The following CEP192 variants were observed in gnomAD, a reference collection of about 807,000 sequenced individuals.
CEP192 encodes the protein centrosomal protein 192.
CEP192 carries 151 observed loss-of-function variants against 271.8 expected under a neutral mutation model. The ratio of observed to expected loss-of-function variants is 0.56; its 90% CI spans 0.49 to 0.64. The LOEUF is 0.64. Among genes scored for constraint, CEP192 ranks in the 30% least tolerant of loss-of-function variants. CEP192 has a pLI of 0.00. For missense variants in CEP192, 2,910 were observed against 3,020.5 expected, an observed-to-expected ratio of 0.96 and a Z score of 0.86; for synonymous variants, 995 against 1,076.5, an observed-to-expected ratio of 0.92 and a Z score of 1.48.
At chr18:13,042,475 T>A in intron 15 of CEP192, 141 bp downstream of exon 15, 1 of 845,606 alleles carries the variant, frequency 1.2e-6, no homozygotes. Flanking sequence ...AAGTGTCCTT[T>A]AAATTTTTCT....
At chr18:13,013,320 C>T (rs2034466881) in intron 5 of CEP192, among the ~76,000 whole-genome samples, 1 of 152,080 alleles carries the variant, frequency 6.6e-6, no homozygotes, top group Non-Finnish European at 1.5e-5. Context: ...TCCATGAGGG[C>T]AAGCATTTCT....
In CEP192 at chr18:13,125,009, T is replaced by C. The variant is rs956837725; in HGVS notation, c.*239T>C. ...TTCTGTGTTTGCATTGATTATGATATTCTGAATAAATATGGAATATATTTT... is the reference window on the plus strand; with the variant it reads ...TTCTGTGTTTGCATTGATTATGATACTCTGAATAAATATGGAATATATTTT... On this transcript the variant is annotated 3_prime_UTR_variant, in exon 45 of 45. Transcript: ENST00000506447. 9.3e-6 allele frequency: 3 copies of C among 320,998 alleles called. No homozygotes were observed. The highest frequency in any genetic ancestry group is 4.2e-5 in the African/African-American group (2 of 47,962). 19.9% of individuals were successfully genotyped at this position (320,998 alleles called of 1,614,324 possible).
rs2037264735 is a variant in CEP192 at position 13,058,984 on chromosome 18, A to G, written c.4258-98A>G. On this transcript the variant is annotated intron_variant, in intron 20 of 44. Coordinates refer to ENST00000506447, the MANE Select transcript of CEP192 (RefSeq NM_032142.4). ...GAGATAATAAATGTTTTAATTTGGC[A>G]GTTTGAGTGATTGGGAAAAGGAATC... 6.5e-6 allele frequency: 5 copies of G among 766,960 alleles called. No individual in the cohort carries two copies. The South Asian group carries it at 6.5e-5, about 10-fold the overall frequency. 47.5% of individuals were successfully genotyped at this position (766,960 alleles called of 1,614,324 possible). A position where few individuals can be genotyped will look rare whatever the true frequency, so the allele number is the denominator to read the frequency against.
At chr18:13,062,381 G>A (rs186469750) in intron 21 of CEP192, among the ~76,000 whole-genome samples, 40 of 152,208 alleles carry the variant, frequency 2.6e-4, no homozygotes, top group Non-Finnish European at 4.6e-4. Context: ...GTGATAAAGC[G>A]TCTCCCAGGT....
chr18:13,070,033 C>T (rs1327313601), intron 27 of CEP192, among the ~76,000 whole-genome samples, 177 bp downstream of exon 27: 1 of 152,044 alleles, frequency 6.6e-6, no homozygotes, highest in African/African-American at 2.4e-5. Flanking sequence ...TGGTGGTGTG[C>T]ACCTGTAGTT....
intron 30 of CEP192, among the ~76,000 whole-genome samples, chr18:13,075,341 G>A (rs2038214567): frequency 1.3e-5 from 2 of 152,174 alleles, no homozygotes; most frequent in Non-Finnish European, 1.5e-5. Context: ...GCTGAGGCAG[G>A]TGGATCACGA....
intron 38 of CEP192, among the ~76,000 whole-genome samples, chr18:13,102,059 C>T (rs146118017): frequency 2.0e-5 from 3 of 152,252 alleles, no homozygotes; most frequent in Admixed American, 6.5e-5. Flanking sequence ...CTCCACCCTT[C>T]TGGGGGTTCC....
At chr18:13,090,813 G>A (rs932428762) in intron 33 of CEP192, among the ~76,000 whole-genome samples, 1 of 152,172 alleles carries the variant, frequency 6.6e-6, no homozygotes, top group African/African-American at 2.4e-5. Flanking sequence ...AAGCTGAACT[G>A]TGCTATGGAG....
chr18:13,059,706 CT>C (rs1440675946), intron 21 of CEP192, among the ~76,000 whole-genome samples: 1 of 152,112 alleles, frequency 6.6e-6, no homozygotes, highest in African/African-American at 2.4e-5. Flanking sequence ...GAAATTAGGT[CT>C]GGCCAAGTTG....
At chr18:13,080,544 C>T (rs1318168919) in intron 30 of CEP192, among the ~76,000 whole-genome samples, 6 of 152,236 alleles carry the variant, frequency 3.9e-5, no homozygotes, top group South Asian at 2.1e-4. Context: ...TGGGCTGAGA[C>T]GATGGGGTTT....
chr18:13,118,229 G>C (rs868682602), intron 44 of CEP192, among the ~76,000 whole-genome samples: 8 of 152,154 alleles, frequency 5.3e-5, no homozygotes, highest in African/African-American at 1.7e-4. Flanking sequence ...GTTCTGTTGG[G>C]CTTAATGCTG....
intron 44 of CEP192, among the ~76,000 whole-genome samples, chr18:13,118,220 T>C (rs141129273): frequency 3.3e-5 from 5 of 152,332 alleles, no homozygotes; most frequent in African/African-American, 1.2e-4. Flanking sequence ...ATAGTTAGGG[T>C]TCTGTTGGGC....
intron 8 of CEP192, 28 bp from the exon 9 acceptor site, chr18:13,019,054 C>CCTTTAACATTTTT: frequency 6.6e-7 from 1 of 1,512,122 alleles, no homozygotes; most frequent in South Asian, 1.3e-5. Flanking sequence ...TGATGTGGCT[C>CCTTTAACATTTTT]CTTTAACATT....
chr18:13,103,779 C>G (rs1042528001), intron 39 of CEP192, 191 bp downstream of exon 39: 1 of 636,892 alleles, frequency 1.6e-6, no homozygotes, highest in African/African-American at 1.8e-5. Context: ...CAGCCTCAAC[C>G]TCCCAGGCTC....
chr18:13,065,915 G>A (rs1438157057), intron 21 of CEP192, among the ~76,000 whole-genome samples: 5 of 152,142 alleles, frequency 3.3e-5, no homozygotes, highest in African/African-American at 9.7e-5. Flanking sequence ...TAGGTGACAT[G>A]TTTCTTTTAT....
At chr18:13,025,276 G>T (rs189856416) in intron 9 of CEP192, among the ~76,000 whole-genome samples, 1 of 152,070 alleles carries the variant, frequency 6.6e-6, no homozygotes, top group East Asian at 1.9e-4. Flanking sequence ...GAGTGCAGTG[G>T]CAGGATTATA....
rs543344508 is a variant in CEP192, at chr18:13,119,458, T to G, written c.7475+1815T>G. Among the ~76,000 whole-genome samples, 68 of 152,324 alleles carry G rather than the reference T, an allele frequency of 4.5e-4. 2 individuals are homozygous for G. The highest frequency in any genetic ancestry group is 1.5e-3 in the African/African-American group (64 of 41,574). On this transcript the variant is annotated intron_variant, in intron 44 of 44. Transcript: ENST00000506447. ...CTTCTTACCTTAAAAAATATATTTT[T>G]TAGGCTGGGTGTGGTGGCTCACACC...
chr18:13,017,052 T>G (rs941987318), intron 6 of CEP192, 136 bp from the exon 7 acceptor site: 4 of 616,276 alleles, frequency 6.5e-6, no homozygotes, highest in Admixed American at 6.4e-5. Flanking sequence ...TACAATAGTT[T>G]TCTCATGTCA....
intron 38 of CEP192, 58 bp from the exon 39 acceptor site, chr18:13,103,451 C>A (rs1282241543): frequency 8.0e-6 from 11 of 1,367,872 alleles, no homozygotes; most frequent in South Asian, 1.2e-5. Flanking sequence ...CTGTCACAGT[C>A]ATCTGCTTGT....
Sources: gnomAD v4.1 joint callset for allele counts (sites outside exome capture counted in the v4.1 genomes callset) on GRCh38, gnomAD v4.1.1 for gene constraint, MANE v1.5 for transcripts, NCBI Gene and HGNC (gene_info 2026-07-23, HGNC 2026-07-21) for gene names.